CBLL1: variants seen among roughly 807,000 people sequenced by gnomAD.
The protein encoded by CBLL1 is Cbl proto-oncogene like 1.
A neutral mutation model predicts 44.9 loss-of-function variants in CBLL1; 4 were observed. The observed-to-expected ratio is 0.09, with a 90% CI of 0.04 to 0.20. CBLL1 has a LOEUF of 0.20. CBLL1 is among the 10% of genes least tolerant of loss of function. CBLL1 has a pLI of 1.00. For missense variants in CBLL1, 569 were observed against 636.7 expected, an observed-to-expected ratio of 0.89 and a Z score of 1.14; for synonymous variants, 235 against 202.2, an observed-to-expected ratio of 1.16 and a Z score of -1.38.
At position 107,753,912 on chromosome 7, in the gene CBLL1, A is replaced by G. The variant is rs1220382977; in HGVS notation, c.300A>G (p.Glu100=). ...TTCAACAGATAAACATCTTAGGTGA[A>G]AAGGATGATACACCAGTTCATTTCT... ...FWDFQINILG[E]KDDTPVHFCD... The change falls in exon 4 of 6, where the codon GAA becomes GAG. Residue 100 remains glutamate, a synonymous_variant. Transcript: ENST00000440859. 4 of 1,590,870 alleles carry G rather than the reference A, an allele frequency of 2.5e-6. No individual in the cohort carries two copies. The African/African-American group carries it at 4.1e-5, about 16-fold the overall frequency.
chr7:107,747,034 G>T (rs535839045), intron 1 of CBLL1, among the ~76,000 whole-genome samples: 4 of 152,290 alleles, frequency 2.6e-5, no homozygotes, highest in Non-Finnish European at 4.4e-5. Flanking sequence ...TAATATCTAA[G>T]AAATTTTTGT....
intron 2 of CBLL1, among the ~76,000 whole-genome samples, chr7:107,750,068 C>T (rs1302143853): frequency 6.6e-6 from 1 of 151,902 alleles, no homozygotes; most frequent in Non-Finnish European, 1.5e-5. Context: ...CCTCAGTCTC[C>T]TGAGGAGCTG....
Position 107,755,470 on chromosome 7 carries a change from A to G in CBLL1, c.419A>G (p.Lys140Arg). 2 of 1,584,120 alleles carry G rather than the reference A, an allele frequency of 1.3e-6. No individual in the cohort carries two copies. Among genetic ancestry groups the G allele is most frequent in the Non-Finnish European group, 8.6e-7 (1 of 1,162,494 alleles). The change falls in exon 5 of 6, where the codon AAG becomes AGG. Residue 140 changes from lysine (K) to arginine (R), a missense_variant. Lys to Arg is a conservative substitution (Grantham distance 26). This residue lies in a region of CBLL1 where 209 missense variants were observed against 202.8 expected (regional missense o/e 1.03). Transcript: ENST00000440859. ...GACTGTGCTATTTTACATGAAAAAA[A>G]GGGAGATAAGATGTGTCCAGGGTAA... ...CYDCAILHEK[K>R]GDKMCPGCSD...
rs764591252 is a variant in CBLL1 at position 107,758,808 on chromosome 7, A to T, written c.1106A>T (p.Tyr369Phe). Reference protein sequence around the residue: ...PQAAGTPHLVYSQAPPPPMTS... With the variant: ...PQAAGTPHLVFSQAPPPPMTS... ...GCTGCAGGTACTCCTCACTTGGTAT[A>T]TAGCCAAGCTCCACCTCCACCAATG... The change falls in exon 6 of 6, where the codon TAT becomes TTT. Residue 369 changes from tyrosine to phenylalanine, a missense_variant. Coordinates refer to ENST00000440859, the MANE Select transcript of CBLL1 (RefSeq NM_024814.4). The surrounding 1 kb of genome is among the most constrained non-coding windows in gnomAD (Gnocchi z 4.2). The T allele has an allele frequency of 6.2e-6, 10 of 1,613,374 alleles. No individual in the cohort carries two copies. Among genetic ancestry groups the T allele is most frequent in the Non-Finnish European group, 7.6e-6 (9 of 1,179,790 alleles).
intron 1 of CBLL1, among the ~76,000 whole-genome samples, chr7:107,747,052 G>A (rs1793057735): frequency 6.6e-6 from 1 of 152,078 alleles, no homozygotes. Context: ...TGTTGTTAAG[G>A]ACTTTATAAT....
intron 2 of CBLL1, among the ~76,000 whole-genome samples, chr7:107,751,144 G>C (rs1793270632): frequency 6.6e-6 from 1 of 152,188 alleles, no homozygotes. Context: ...ATGGCAGGGT[G>C]CGGGGAGTGG....
chr7:107,753,782 G>C, intron 3 of CBLL1, 113 bp from the exon 4 acceptor site: 1 of 604,786 alleles, frequency 1.7e-6, no homozygotes, highest in Non-Finnish European at 2.7e-6. Context: ...ATACCAAGAG[G>C]CTTCTATTTC....
intron 1 of CBLL1, among the ~76,000 whole-genome samples, chr7:107,745,842 G>A (rs986054430): frequency 1.3e-5 from 2 of 152,292 alleles, no homozygotes; most frequent in Admixed American, 1.3e-4. Flanking sequence ...ATCTTTTTTT[G>A]TAGAGGTGAG....
intron 1 of CBLL1, among the ~76,000 whole-genome samples, chr7:107,745,416 C>T (rs556879543): frequency 1.7e-4 from 26 of 152,178 alleles, no homozygotes; most frequent in Non-Finnish European, 3.1e-4. Context: ...ACAGTGAAGT[C>T]AGCTGCAGCC....
chr7:107,750,565 A>G (rs1466055121), intron 2 of CBLL1, among the ~76,000 whole-genome samples: 1 of 152,086 alleles, frequency 6.6e-6, no homozygotes, highest in Non-Finnish European at 1.5e-5. Context: ...CGGCCTCCCA[A>G]AGTGCTGGGA....
intron 1 of CBLL1, chr7:107,744,500 C>T (rs751725189): frequency 1.6e-5 from 6 of 367,186 alleles, no homozygotes; most frequent in Admixed American, 8.9e-5. Flanking sequence ...GCTGCTCTGG[C>T]CTACGTTATG....
rs755906548 is a variant in CBLL1 at position 107,761,172 on chromosome 7, C to G, written c.*1994C>G. 2 of 152,134 alleles carry G rather than the reference C, an allele frequency of 1.3e-5. No homozygotes were observed. The allele number at this position is 152,134 out of a possible 1,614,324, so 9.4% of individuals were successfully genotyped here. ...CATGTAATAAGAAAATAGCCAAAAT[C>G]ACTTTAGAGCTTCTCAACTATTTAT... is the stretch of plus-strand genomic sequence containing the variant. On this transcript the variant is annotated 3_prime_UTR_variant, in exon 6 of 6. Transcript: ENST00000440859.
chr7:107,744,815 G>C (rs1792927045), intron 1 of CBLL1: 1 of 152,184 alleles, frequency 6.6e-6, no homozygotes, highest in Non-Finnish European at 1.5e-5. Flanking sequence ...TTAAAATCAA[G>C]GCATTCTCAT....
intron 1 of CBLL1, among the ~76,000 whole-genome samples, chr7:107,748,568 C>T (rs1165553691): frequency 6.6e-6 from 1 of 151,984 alleles, no homozygotes; most frequent in East Asian, 1.9e-4. Context: ...TTCTTGGGTT[C>T]ATTAATGGTT....
chr7:107,755,726 G>T (rs1793500857), intron 5 of CBLL1: 1 of 272,468 alleles, frequency 3.7e-6, no homozygotes, highest in Non-Finnish European at 6.9e-6. Flanking sequence ...CATTATAGAA[G>T]TATTATTATA....
At chr7:107,752,086 C>A (rs1793323091) in intron 2 of CBLL1, among the ~76,000 whole-genome samples, 2 of 151,606 alleles carry the variant, frequency 1.3e-5, no homozygotes, top group South Asian at 4.2e-4. Flanking sequence ...GTAGTCCCAG[C>A]TACTCGGGAG....
At chr7:107,750,964 A>G (rs1220692702) in intron 2 of CBLL1, among the ~76,000 whole-genome samples, 2 of 151,984 alleles carry the variant, frequency 1.3e-5, no homozygotes, top group Admixed American at 6.6e-5. Context: ...TTAAGGGGAA[A>G]AAAGGTGGGG....
chr7:107,755,223 GAGCCAT>G (rs2115686280), intron 4 of CBLL1, among the ~76,000 whole-genome samples, 189 bp from the exon 5 acceptor site: 1 of 152,282 alleles, frequency 6.6e-6, no homozygotes, highest in East Asian at 1.9e-4. Context: ...ATTGGGAAAA[GAGCCAT>G]AGTTTTTGTC....
In CBLL1 at chr7:107,755,463, G is replaced by GA; in HGVS notation, c.419dup (p.Asp142ArgfsTer2). 5 of 1,586,060 alleles carry GA rather than the reference G, an allele frequency of 3.2e-6. No individual in the cohort carries two copies. Among genetic ancestry groups the GA allele is most frequent in the South Asian group, 1.1e-5 (1 of 87,286 alleles). The stretch of plus-strand genomic sequence containing the variant: ...TTGCTATGACTGTGCTATTTTACAT[G>GA]AAAAAAAGGGAGATAAGATGTGTCC... On this transcript the variant is annotated frameshift_variant, in exon 5 of 6. Coordinates refer to ENST00000440859, the MANE Select transcript of CBLL1 (RefSeq NM_024814.4). LOFTEE classifies it high-confidence loss of function.
Sources: gnomAD v4.1 joint callset for allele counts (sites outside exome capture counted in the v4.1 genomes callset) on GRCh38, gnomAD v4.1.1 for gene constraint, gnomAD v4.1.1 regional missense constraint, Gnocchi (gnomAD v3.1) non-coding constraint, MANE v1.5 for transcripts, NCBI Gene and HGNC (gene_info 2026-07-23, HGNC 2026-07-21) for gene names.